Variants in GLE1 observed in about 807,000 individuals in gnomAD.
GLE1 encodes GLE1 RNA export mediator.
A neutral mutation model predicts 97.3 loss-of-function variants in GLE1; 78 were observed. The ratio of observed to expected loss-of-function variants is 0.80; its 90% CI spans 0.67 to 0.97. GLE1 has a LOEUF of 0.97. Among genes scored for constraint, GLE1 ranks in the 50% least tolerant of loss-of-function variants. The probability of loss-of-function intolerance (pLI) is 0.00; values close to 1 mark genes in which losing one functional copy is unlikely to be tolerated. For missense variants in GLE1, 753 were observed against 857.5 expected, an observed-to-expected ratio of 0.88 and a Z score of 1.52; for synonymous variants, 302 against 313.4, an observed-to-expected ratio of 0.96 and a Z score of 0.39.
chr9:128,529,813 T>G (rs975202761), intron 9 of GLE1, among the ~76,000 whole-genome samples: 1 of 151,840 alleles, frequency 6.6e-6, no homozygotes, highest in Non-Finnish European at 1.5e-5. Flanking sequence ...GTCTCGCTCT[T>G]TCGCCCAGGC....
At chr9:128,519,436 C>T (rs1243452479) in intron 3 of GLE1, among the ~76,000 whole-genome samples, 3 of 152,136 alleles carry the variant, frequency 2.0e-5, no homozygotes, top group Non-Finnish European at 4.4e-5. Context: ...TATAGATGGC[C>T]CCCTGCATGT....
rs2132405632 is a variant in GLE1, at chr9:128,509,010, C to A, written c.234C>A (p.Ala78=). ...CGCCATCCTCTACGTCAGCTTCAGC[C>A]CTAGATCAACCCTCATTTGTTCCCA... ...ETSPSSTSAS[A]LDQPSFVPKS... Residue 78 remains alanine (A), a synonymous_variant, in exon 2 of 16, where the codon GCC becomes GCA. Transcript: ENST00000309971. The A allele has an allele frequency of 1.9e-6, 3 of 1,613,522 alleles. No individual in the cohort carries two copies. The highest frequency in any genetic ancestry group is 2.5e-6 in the Non-Finnish European group (3 of 1,179,452).
At chr9:128,512,495 A>C (rs1039651405) in intron 2 of GLE1, among the ~76,000 whole-genome samples, 1 of 152,132 alleles carries the variant, frequency 6.6e-6, no homozygotes. Flanking sequence ...ACCTTCTGTG[A>C]ACATTAATTA....
chr9:128,507,016 C>T (rs1846658588), intron 1 of GLE1, among the ~76,000 whole-genome samples: 1 of 152,132 alleles, frequency 6.6e-6, no homozygotes, highest in South Asian at 2.1e-4. Context: ...CTTATTTTCT[C>T]ATACAAAGAT....
chr9:128,537,250 C>A (rs1174370153), intron 12 of GLE1, among the ~76,000 whole-genome samples: 1 of 151,538 alleles, frequency 6.6e-6, no homozygotes, highest in East Asian at 1.9e-4. Flanking sequence ...GTCAGGAGTT[C>A]AAGACCAGCC....
rs773171034 is a variant in GLE1, at chr9:128,508,952, A to G, written c.176A>G (p.His59Arg). The G allele has an allele frequency of 1.6e-5, 25 of 1,611,232 alleles. No individual in the cohort carries two copies. The highest frequency in any genetic ancestry group is 2.0e-5 in the Non-Finnish European group (24 of 1,177,498). ...TGGGTGGTAGAGCACGTCCTACCCC[A>G]TATGCAGGAGAACCAACCTCTGTCT... ...SGWVVEHVLP[H>R]MQENQPLSET... Residue 59 changes from histidine (H) to arginine (R), a missense_variant, in exon 2 of 16, where the codon CAT becomes CGT. By Grantham distance (29) the His-to-Arg change is conservative (BLOSUM62 0). Coordinates refer to ENST00000309971, the MANE Select transcript of GLE1 (RefSeq NM_001003722.2).
intron 2 of GLE1, among the ~76,000 whole-genome samples, chr9:128,515,133 T>C (rs555422330): frequency 2.6e-5 from 4 of 152,228 alleles, no homozygotes; most frequent in Admixed American, 2.6e-4. Context: ...GATAGAGTAC[T>C]TTGATAGCCA....
At chr9:128,521,294 G>T (rs931255251) in intron 3 of GLE1, among the ~76,000 whole-genome samples, 3 of 152,234 alleles carry the variant, frequency 2.0e-5, no homozygotes, top group Middle Eastern at 3.4e-3. Context: ...AGCAGTTTGG[G>T]AGGCCAAAGT....
At chr9:128,535,012 C>T (rs148717014) in intron 11 of GLE1, among the ~76,000 whole-genome samples, 106 of 151,924 alleles carry the variant, frequency 7.0e-4, no homozygotes, top group Non-Finnish European at 1.2e-3. Context: ...CCACCACGCC[C>T]GGCCTGTAAT....
rs896853472 is a variant in GLE1 at position 128,523,914 on chromosome 9, T to C, written c.897+68T>C. ...GAAGCCTTTAAAAGCAAAACTGTTT[T>C]CTGACTTAAAAAGTAATACCTGCTA... On this transcript the variant is annotated intron_variant, in intron 6 of 15. Transcript: ENST00000309971. The C allele has an allele frequency of 4.4e-5, 67 of 1,533,878 alleles. No individual in the cohort carries two copies. The Admixed American group carries it at 4.5e-4, about 10-fold the overall frequency.
intron 9 of GLE1, among the ~76,000 whole-genome samples, chr9:128,530,316 CCT>C: frequency 6.6e-6 from 1 of 152,250 alleles, no homozygotes; most frequent in Non-Finnish European, 1.5e-5. Context: ...CTTCCTTAGC[CCT>C]CTTTGTCTGC....
At chr9:128,522,912 G>C (rs948692432) in intron 4 of GLE1, 96 bp downstream of exon 4, 10 of 1,395,004 alleles carry the variant, frequency 7.2e-6, no homozygotes, top group Admixed American at 1.8e-5. Flanking sequence ...AACAACTTCT[G>C]AGTCCTTAAA....
intron 13 of GLE1, 101 bp from the exon 14 acceptor site, chr9:128,539,515 T>C: frequency 1.0e-6 from 1 of 959,908 alleles, no homozygotes; most frequent in East Asian, 2.4e-5. Context: ...TTGAAATTTT[T>C]GATAGGTGTG....
At chr9:128,520,561 G>T (rs1320024491) in intron 3 of GLE1, among the ~76,000 whole-genome samples, 1 of 151,652 alleles carries the variant, frequency 6.6e-6, no homozygotes, top group South Asian at 2.1e-4. Flanking sequence ...ACATTTAGCC[G>T]GTAGCTCCGT....
At position 128,504,868 on chromosome 9, in the gene GLE1, C is replaced by G; in HGVS notation, c.63C>G (p.Arg21=). ...CCCTACGCAGTTCCGACAAAGGTCG[C>G]CTTTGCTACTACCGCGACTGGCTGC... ...LKALRSSDKG[R]LCYYRDWLLR... is the part of the protein sequence containing the mutation. Residue 21 remains arginine (R), a synonymous_variant, in exon 1 of 16, where the codon CGC becomes CGG. Coordinates refer to ENST00000309971, the MANE Select transcript of GLE1 (RefSeq NM_001003722.2). 1 of 1,613,206 alleles carries G rather than the reference C, an allele frequency of 6.2e-7. No individual in the cohort carries two copies. Among genetic ancestry groups the G allele is most frequent in the South Asian group, 1.1e-5 (1 of 91,066 alleles).
Position 128,533,501 on chromosome 9 carries a change from T to C in GLE1, c.1313-12T>C. 3.2e-6 allele frequency: 5 copies of C among 1,577,942 alleles called. No individual in the cohort carries two copies. The highest frequency in any genetic ancestry group is 4.4e-6 in the Non-Finnish European group (5 of 1,148,798). ...GTGGTTATATCTTTTAATTTCTCTC[T>C]ATCATGCTCAGGCTCAAAACTGAAG... is the stretch of plus-strand genomic sequence containing the variant. On this transcript the variant is annotated splice_polypyrimidine_tract_variant and intron_variant, in intron 9 of 15. Coordinates refer to ENST00000309971, the MANE Select transcript of GLE1 (RefSeq NM_001003722.2).
chr9:128,513,958 C>T (rs1303163196), intron 2 of GLE1, among the ~76,000 whole-genome samples: 8 of 146,322 alleles, frequency 5.5e-5, no homozygotes, highest in Non-Finnish European at 8.9e-5. Flanking sequence ...GCAGAGCTTG[C>T]AGTGAGCCGA....
At chr9:128,521,618 C>T (rs1164350438) in intron 3 of GLE1, among the ~76,000 whole-genome samples, 1 of 152,200 alleles carries the variant, frequency 6.6e-6, no homozygotes, top group African/African-American at 2.4e-5. Flanking sequence ...TTTGACATAT[C>T]TCCATGCTAG....
chr9:128,505,394 A>T (rs563334863), intron 1 of GLE1, among the ~76,000 whole-genome samples: 2 of 152,142 alleles, frequency 1.3e-5, no homozygotes, highest in African/African-American at 4.8e-5. Flanking sequence ...AAGTGGAGGG[A>T]TGTGGAGAGT....
Sources: allele counts gnomAD v4.1 joint callset (sites outside exome capture counted in the v4.1 genomes callset), GRCh38; gene constraint gnomAD v4.1.1; transcripts MANE v1.5; gene names NCBI Gene and HGNC (gene_info 2026-07-23, HGNC 2026-07-21).